ADNP: variants seen among roughly 807,000 people sequenced by gnomAD.
ADNP encodes the protein activity-dependent neuroprotector homeobox protein.
In ADNP, 4 loss-of-function variants were observed where a neutral mutation model predicts 84.9. The ratio of observed to expected loss-of-function variants is 0.05; its 90% CI spans 0.02 to 0.11. The LOEUF is 0.11. Among genes scored for constraint, ADNP ranks in the 10% least tolerant of loss-of-function variants. The probability of loss-of-function intolerance (pLI) is 1.00; values close to 1 mark genes in which losing one functional copy is unlikely to be tolerated. For synonymous variants in ADNP, 554 were observed against 468.1 expected (o/e 1.18, Z -2.37); for missense variants, 1,132 against 1,326.0 (o/e 0.85, Z 2.27).
At chr20:50,922,264 G>C (rs1202626548) in intron 2 of ADNP, among the ~76,000 whole-genome samples, 1 of 152,062 alleles carries the variant, frequency 6.6e-6, no homozygotes, top group East Asian at 1.9e-4. Flanking sequence ...CCTGGATACA[G>C]TGTCATATTC....
intron 2 of ADNP, among the ~76,000 whole-genome samples, chr20:50,912,340 G>T (rs1414416633): frequency 6.6e-6 from 1 of 152,028 alleles, no homozygotes; most frequent in African/African-American, 2.4e-5. Flanking sequence ...AGCAGAGATG[G>T]GGTTTCAGCA....
chr20:50,901,666 G>A (rs1180796360), intron 5 of ADNP, among the ~76,000 whole-genome samples: 2 of 152,306 alleles, frequency 1.3e-5, no homozygotes, highest in Admixed American at 6.5e-5. Context: ...AAGCTTAAAT[G>A]TAAGGAAGGG....
intron 2 of ADNP, among the ~76,000 whole-genome samples, chr20:50,921,177 C>G (rs560551596): frequency 6.6e-6 from 1 of 152,362 alleles, no homozygotes; most frequent in East Asian, 1.9e-4. Context: ...TTTCAAAATT[C>G]TGAGTTCACA....
At chr20:50,919,305 A>ATATATATATATATATATATATG (rs1168718295) in intron 2 of ADNP, among the ~76,000 whole-genome samples, 13 of 136,880 alleles carry the variant, frequency 9.5e-5, no homozygotes, top group African/African-American at 4.0e-4. Context: ...ATATATATAT[A>ATATATATATATATATATATATG]TATATATATA....
At position 50,930,855 on chromosome 20, in the gene ADNP, CCGGCGTGCTCGGGGG is replaced by C. The variant is rs1984688063; in HGVS notation, c.-309_-295del. ...ACTCGGCCTCGAGGCGCGCGCGGGG[CCGGCGTGCTCGGGGG>C]CCGGACAGCGGCGGCGGCGGCGGGC... On this transcript the variant is annotated 5_prime_UTR_variant, in exon 1 of 6. Coordinates refer to ENST00000621696, the MANE Select transcript of ADNP (RefSeq NM_001282531.3). 4 of 146,724 alleles carry C rather than the reference CCGGCGTGCTCGGGGG, an allele frequency of 2.7e-5. No homozygotes were observed. In the South Asian group the frequency reaches 5.3e-4, roughly 20 times the overall value. The allele number at this position is 146,724 out of a possible 1,614,324, so 9.1% of individuals were successfully genotyped here. A position where few individuals can be genotyped will look rare whatever the true frequency, so the allele number is the denominator to read the frequency against.
chr20:50,914,215 T>A (rs1344925970), intron 2 of ADNP: 7 of 759,906 alleles, frequency 9.2e-6, no homozygotes, highest in Admixed American at 2.0e-5. Flanking sequence ...CTACAAAGCA[T>A]CCACAATCAT....
At chr20:50,896,586 AT>A (rs112277443) in intron 5 of ADNP, among the ~76,000 whole-genome samples, 1 of 152,064 alleles carries the variant, frequency 6.6e-6, no homozygotes, top group Non-Finnish European at 1.5e-5. Flanking sequence ...CTTTAAAAAC[AT>A]TTTTTTTCTT....
At chr20:50,905,281 A>C (rs1292713419) in intron 2 of ADNP, 1 of 152,174 alleles carries the variant, frequency 6.6e-6, no homozygotes, top group Non-Finnish European at 1.5e-5. Context: ...AATCTAACAC[A>C]ATTTCGCAGG....
At chr20:50,929,640 C>A (rs529894523) in intron 1 of ADNP, among the ~76,000 whole-genome samples, 1 of 152,180 alleles carries the variant, frequency 6.6e-6, no homozygotes, top group South Asian at 2.1e-4. Flanking sequence ...TGGGTGGGGG[C>A]TGGTATTTTC....
Position 50,889,792 on chromosome 20 carries a change from C to T in ADNP, c.*1613G>A, listed in dbSNP as rs999669688. ...TAGTACAAGTTCTCTTGGGAATCTA[C>T]GCATGGTAAAAATACCAGCTCCTTC... On this transcript the variant is annotated 3_prime_UTR_variant, in exon 6 of 6. Transcript: ENST00000621696. 10 of 398,052 alleles carry T rather than the reference C, an allele frequency of 2.5e-5. No individual in the cohort carries two copies. The highest frequency in any genetic ancestry group is 6.2e-4 in the Middle Eastern group (1 of 1,608). 24.7% of individuals were successfully genotyped at this position (398,052 alleles called of 1,614,324 possible).
intron 2 of ADNP, chr20:50,914,133 T>A: frequency 1.3e-6 from 1 of 770,318 alleles, no homozygotes; most frequent in South Asian, 1.5e-5. Context: ...ATGGTAAGGA[T>A]CATTATGAGG....
chr20:50,904,266 T>C (rs913672312), intron 3 of ADNP: 23 of 397,140 alleles, frequency 5.8e-5, no homozygotes, highest in Non-Finnish European at 9.3e-5. Context: ...TCATGGTTCA[T>C]TGACTGCAGT....
rs533092609 is a variant in ADNP at position 50,897,713 on chromosome 20, T to C, written c.202-3201A>G. Among the ~76,000 whole-genome samples, 212 of 152,362 alleles carry C rather than the reference T, an allele frequency of 1.4e-3. 3 individuals carry two copies. The highest frequency in any genetic ancestry group is 2.2e-3 in the Non-Finnish European group (150 of 68,028). The stretch of plus-strand genomic sequence containing the variant: ...TCAGATAGTACGCCTTAAAAGCTGC[T>C]GTAACTCCATCAGTTGGATCAAAGA... On this transcript the variant is annotated intron_variant, in intron 5 of 5. Coordinates refer to ENST00000621696, the MANE Select transcript of ADNP (RefSeq NM_001282531.3).
intron 2 of ADNP, among the ~76,000 whole-genome samples, chr20:50,919,291 GTATATATATA>G (rs199569280): frequency 3.9e-5 from 3 of 77,214 alleles, no homozygotes; most frequent in Non-Finnish European, 8.6e-5. Context: ...ATATTTAAGT[GTATATATATA>G]TATATATATA....
At position 50,891,632 on chromosome 20, in the gene ADNP, A is replaced by G. The variant is rs752175828; in HGVS notation, c.3082T>C (p.Trp1028Arg). 6 of 1,614,134 alleles carry G rather than the reference A, an allele frequency of 3.7e-6. No homozygotes were observed. In the East Asian group the frequency reaches 6.7e-5, roughly 18 times the overall value. The part of the protein sequence containing the change: ...TMQGDREQLK[W>R]KNSSYGKVEG... Reference sequence around the variant, plus strand: ...ACTTTTCCATAGGAACTATTCTTCCATTTCAACTGCTCTCTGTCACCTTGC... The same window carrying G: ...ACTTTTCCATAGGAACTATTCTTCCGTTTCAACTGCTCTCTGTCACCTTGC... Residue 1028 changes from tryptophan (W) to arginine (R), a missense_variant, in exon 6 of 6, where the codon TGG (tryptophan) becomes CGG (arginine). Transcript: ENST00000621696.
intron 2 of ADNP, among the ~76,000 whole-genome samples, chr20:50,911,781 A>T (rs549706719): frequency 6.6e-6 from 1 of 152,306 alleles, no homozygotes; most frequent in East Asian, 1.9e-4. Context: ...CAAAAAGATA[A>T]GCCTGTTTTA....
intron 2 of ADNP, among the ~76,000 whole-genome samples, chr20:50,928,276 T>C (rs1175811265): frequency 1.3e-5 from 2 of 152,210 alleles, no homozygotes; most frequent in Admixed American, 6.5e-5. Context: ...CCACTGTCAA[T>C]CTTTGGTAGC....
At chr20:50,913,250 C>CCAAA (rs1983211025) in intron 2 of ADNP, among the ~76,000 whole-genome samples, 1 of 42,894 alleles carries the variant, frequency 2.3e-5, no homozygotes, top group African/African-American at 8.0e-5. Context: ...GACTCTGTCT[C>CCAAA]AAAAAAAAAA....
At chr20:50,898,785 T>A (rs1214203028) in intron 5 of ADNP, among the ~76,000 whole-genome samples, 2 of 152,230 alleles carry the variant, frequency 1.3e-5, no homozygotes, top group Non-Finnish European at 2.9e-5. Flanking sequence ...ACAAGCTGTA[T>A]GAGGCTGCTA....
Sources: gnomAD v4.1 joint callset for allele counts (sites outside exome capture counted in the v4.1 genomes callset) on GRCh38, gnomAD v4.1.1 for gene constraint, MANE v1.5 for transcripts, NCBI Gene and HGNC (gene_info 2026-07-23, HGNC 2026-07-21) for gene names.